The following GRM5 variants were observed in gnomAD, a reference collection of about 807,000 sequenced individuals.
GRM5 encodes the protein glutamate metabotropic receptor 5, also known as metabotropic glutamate receptor 5.
GRM5 carries 19 observed loss-of-function variants against 83.1 expected under a neutral mutation model. The observed-to-expected ratio is 0.23, with a 90% CI of 0.16 to 0.34. The LOEUF is 0.34. Among genes scored for constraint, GRM5 ranks in the 10% least tolerant of loss-of-function variants. GRM5 has a pLI of 1.00. For synonymous variants in GRM5, 675 were observed against 633.6 expected (o/e 1.07, Z -0.98); for missense variants, 1,160 against 1,588.3 (o/e 0.73, Z 4.58).
intron 3 of GRM5, among the ~76,000 whole-genome samples, chr11:88,731,513 A>G (rs545975507): frequency 6.6e-6 from 1 of 152,148 alleles, no homozygotes; most frequent in South Asian, 2.1e-4. Flanking sequence ...TGTTCAACAA[A>G]TGTTTAATGG....
In GRM5 at chr11:89,047,201, A is replaced by C. The variant is rs200024514; in HGVS notation, c.661+11T>G. The C allele has an allele frequency of 6.3e-7, 1 of 1,589,640 alleles. No homozygotes were observed. Among genetic ancestry groups the C allele is most frequent in the African/African-American group, 1.3e-5 (1 of 74,244 alleles). ...AATAATATATACTCGATGTATGCAA[A>C]GGAAACTTACCTTCTGTGTGCACGG... On this transcript the variant is annotated intron_variant, in intron 2 of 9. Coordinates refer to ENST00000305447, the MANE Select transcript of GRM5 (RefSeq NM_001143831.3). The surrounding 1 kb of genome is among the most constrained non-coding windows in gnomAD (Gnocchi z 5.1).
At chr11:88,595,429 G>A (rs926638484) in intron 6 of GRM5, among the ~76,000 whole-genome samples, 1 of 151,872 alleles carries the variant, frequency 6.6e-6, no homozygotes, top group African/African-American at 2.4e-5. Context: ...CCTCTAGTAT[G>A]CTCTGTTCTA....
chr11:88,887,887 T>C (rs1251395012), intron 2 of GRM5, among the ~76,000 whole-genome samples: 1 of 152,058 alleles, frequency 6.6e-6, no homozygotes, highest in African/African-American at 2.4e-5. Flanking sequence ...CCAGCTCTTT[T>C]AGCAATCATA....
intron 9 of GRM5, among the ~76,000 whole-genome samples, chr11:88,514,024 G>A (rs922239729): frequency 4.6e-5 from 7 of 151,912 alleles, no homozygotes; most frequent in African/African-American, 1.2e-4. Context: ...TCTATGGCAC[G>A]TCACCTTCCC....
At chr11:88,775,308 G>GC (rs1942823939) in intron 3 of GRM5, among the ~76,000 whole-genome samples, 1 of 151,790 alleles carries the variant, frequency 6.6e-6, no homozygotes, top group African/African-American at 2.4e-5. Context: ...ATTTTTTATT[G>GC]CATCTATTTG....
At chr11:88,615,828 T>A (rs1325449495) in intron 4 of GRM5, among the ~76,000 whole-genome samples, 9 of 152,122 alleles carry the variant, frequency 5.9e-5, no homozygotes, top group Non-Finnish European at 2.9e-5. Flanking sequence ...TCTTGCCTCT[T>A]ATCTCTCCAG....
intron 3 of GRM5, among the ~76,000 whole-genome samples, chr11:88,687,478 A>G (rs1446163117): frequency 8.3e-5 from 9 of 108,576 alleles, no homozygotes; most frequent in Admixed American, 6.9e-4. Context: ...CTTGGTCTCA[A>G]AAACAAACAA....
intron 2 of GRM5, among the ~76,000 whole-genome samples, chr11:88,960,687 T>A (rs1938755330): frequency 6.6e-6 from 1 of 152,122 alleles, no homozygotes; most frequent in African/African-American, 2.4e-5. Context: ...ATGAACATGT[T>A]TGAGCTGATT....
intron 3 of GRM5, among the ~76,000 whole-genome samples, chr11:88,840,637 T>C (rs1944181848): frequency 1.3e-5 from 2 of 152,198 alleles, no homozygotes; most frequent in South Asian, 4.1e-4. Flanking sequence ...AACAATTGTA[T>C]CTTCAGTGGT....
intron 9 of GRM5, among the ~76,000 whole-genome samples, chr11:88,516,131 G>A (rs969198165): frequency 6.6e-6 from 1 of 152,238 alleles, no homozygotes; most frequent in South Asian, 2.1e-4. Flanking sequence ...ATGGTGTCTG[G>A]TGCAGAGTAG....
intron 2 of GRM5, among the ~76,000 whole-genome samples, chr11:89,003,728 A>G (rs1175257741): frequency 2.6e-5 from 4 of 152,176 alleles, no homozygotes; most frequent in African/African-American, 9.6e-5. Flanking sequence ...AATAAAATGT[A>G]GTTGTGGTAT....
At position 88,508,686 on chromosome 11, in the gene GRM5, G is replaced by C. The variant is rs1205685175; in HGVS notation, c.3545C>G (p.Ser1182Trp). 6.2e-7 allele frequency: 1 copy of C among 1,607,536 alleles called. No homozygotes were observed. Among genetic ancestry groups the C allele is most frequent in the Non-Finnish European group, 8.5e-7 (1 of 1,177,168 alleles). Residue 1182 changes from serine to tryptophan, a missense_variant, in exon 10 of 10, where the codon TCG becomes TGG. By Grantham distance (177) the Ser-to-Trp change is radical. This residue lies in a region of GRM5 where 562 missense variants were observed against 532.4 expected (regional missense o/e 1.06). Transcript: ENST00000305447. This position sits in a 1 kb window ranked among gnomAD's most constrained non-coding sequence, Gnocchi z 4.2. ...SVDSGSTTPN[S>W]PVSESALCIP... ...ACAGAGGGCCGACTCGGACACTGGC[G>C]AGTTGGGGGTTGTGCTCCCCGAGTC... is the stretch of plus-strand genomic sequence containing the variant.
intron 2 of GRM5, among the ~76,000 whole-genome samples, chr11:88,888,174 G>A (rs1459962173): frequency 2.6e-5 from 4 of 152,168 alleles, no homozygotes; most frequent in Non-Finnish European, 5.9e-5. Context: ...GGGAGACTTA[G>A]GCCAATTTTC....
At chr11:88,755,572 T>C (rs145692313) in intron 3 of GRM5, among the ~76,000 whole-genome samples, 2 of 152,290 alleles carry the variant, frequency 1.3e-5, no homozygotes, top group Admixed American at 1.3e-4. Flanking sequence ...TGTTGCAAAC[T>C]CTCTATATCC....
At chr11:88,941,981 T>C (rs548823508) in intron 2 of GRM5, among the ~76,000 whole-genome samples, 124 of 152,150 alleles carry the variant, frequency 8.1e-4, no homozygotes, top group African/African-American at 2.8e-3. Context: ...AGACAGTTGC[T>C]TCATGAAGGG....
chr11:88,557,128 T>A (rs1565337639), intron 8 of GRM5, among the ~76,000 whole-genome samples: 1 of 152,168 alleles, frequency 6.6e-6, no homozygotes, highest in African/African-American at 2.4e-5. Flanking sequence ...TTCTACCACC[T>A]ATTAGTTCAC....
intron 2 of GRM5, among the ~76,000 whole-genome samples, chr11:88,919,164 A>G (rs971256113): frequency 2.1e-5 from 3 of 144,972 alleles, no homozygotes; most frequent in African/African-American, 7.4e-5. Flanking sequence ...TCACCTATAA[A>G]GACATACACT....
At chr11:88,882,161 C>G (rs1387253105) in intron 2 of GRM5, among the ~76,000 whole-genome samples, 1 of 151,830 alleles carries the variant, frequency 6.6e-6, no homozygotes, top group Non-Finnish European at 1.5e-5. Context: ...CGCTTGAACC[C>G]AGGAGGTGGA....
Position 88,509,096 on chromosome 11 carries a change from C to A in GRM5, c.3135G>T (p.Glu1045Asp). ...GCGAGGAGCTGCTGCGCGCCACAGG[C>A]TCCGAGTGCAGCGACGGCACATCGT... ...TDDDVPSLHS[E>D]PVARSSSSQG... Residue 1045 changes from glutamate to aspartate, a missense_variant, in exon 10 of 10, where the codon GAG becomes GAT. Physicochemically the swap from Glu to Asp is conservative, Grantham distance 45 (BLOSUM62 2). This residue lies in a region of GRM5 where 562 missense variants were observed against 532.4 expected (regional missense o/e 1.06). Transcript: ENST00000305447. 1 of 1,548,688 alleles carries A rather than the reference C, an allele frequency of 6.5e-7. No homozygotes were observed. The highest frequency in any genetic ancestry group is 1.2e-5 in the South Asian group (1 of 84,058).
Sources: gnomAD v4.1 joint callset for allele counts (sites outside exome capture counted in the v4.1 genomes callset) on GRCh38, gnomAD v4.1.1 for gene constraint, gnomAD v4.1.1 regional missense constraint, Gnocchi (gnomAD v3.1) non-coding constraint, MANE v1.5 for transcripts, NCBI Gene and HGNC (gene_info 2026-07-23, HGNC 2026-07-21) for gene names.